The following MTCL3 variants were observed in gnomAD, a reference collection of about 807,000 sequenced individuals.
The protein encoded by MTCL3 is microtubule cross-linking factor 3.
chr6:127,476,520 C>T, the MTCL3 span: 8 of 1,434,488 alleles, frequency 5.6e-6, no homozygotes, highest in Non-Finnish European at 7.5e-6. The surrounding 1 kb of genome is among the most constrained non-coding windows in gnomAD (Gnocchi z 4.4). Flanking sequence ...TTATGTAAAT[C>T]AAGGAAACAA....
chr6:127,495,422 A>C, the MTCL3 span, among the ~76,000 whole-genome samples: 2 of 152,272 alleles, frequency 1.3e-5, no homozygotes, highest in South Asian at 4.1e-4. Context: ...GCAAAGAAAA[A>C]AAACTGTGGC....
chr6:127,476,664 A>G, the MTCL3 span, among the ~76,000 whole-genome samples: 1 of 152,262 alleles, frequency 6.6e-6, no homozygotes, highest in South Asian at 2.1e-4. This position sits in a 1 kb window ranked among gnomAD's most constrained non-coding sequence, Gnocchi z 4.4. Context: ...GAACAATGTT[A>G]CATCCTGGAA....
At chr6:127,515,825 G>C in the MTCL3 span, 1 of 1,610,202 alleles carries the variant, frequency 6.2e-7, no homozygotes. This position sits in a 1 kb window ranked among gnomAD's most constrained non-coding sequence, Gnocchi z 4.3. Context: ...TCCTTCTTGA[G>C]ATGGAACTGG....
the MTCL3 span, among the ~76,000 whole-genome samples, chr6:127,485,452 T>G: frequency 6.6e-6 from 1 of 152,156 alleles, no homozygotes; most frequent in East Asian, 1.9e-4. Flanking sequence ...TCAGGTCAAA[T>G]TATTGTCCTA....
the MTCL3 span, chr6:127,482,832 A>G: frequency 2.9e-6 from 3 of 1,051,542 alleles, no homozygotes; most frequent in African/African-American, 1.6e-5. This position sits in a 1 kb window ranked among gnomAD's most constrained non-coding sequence, Gnocchi z 4.1. Flanking sequence ...TCTGGCCATT[A>G]TATCTATTTA....
the MTCL3 span, among the ~76,000 whole-genome samples, chr6:127,495,053 CG>C: frequency 1.3e-5 from 2 of 151,590 alleles, no homozygotes; most frequent in African/African-American, 4.8e-5. Flanking sequence ...AAAAAGTAGC[CG>C]GGCATGGTGG....
At chr6:127,482,759 T>C in the MTCL3 span, among the ~76,000 whole-genome samples, 1 of 152,250 alleles carries the variant, frequency 6.6e-6, no homozygotes, top group African/African-American at 2.4e-5. This position sits in a 1 kb window ranked among gnomAD's most constrained non-coding sequence, Gnocchi z 4.1. Flanking sequence ...TTCTGATTTA[T>C]ACTACCTGTA....
At chr6:127,500,469 A>G in the MTCL3 span, among the ~76,000 whole-genome samples, 1 of 152,214 alleles carries the variant, frequency 6.6e-6, no homozygotes, top group Non-Finnish European at 1.5e-5. Context: ...TCAGAATTGT[A>G]GAAGCTGTGG....
chr6:127,489,328 A>T, the MTCL3 span, among the ~76,000 whole-genome samples: 1 of 152,204 alleles, frequency 6.6e-6, no homozygotes, highest in Admixed American at 6.5e-5. Flanking sequence ...TCCCTGAGAC[A>T]CAACAGTATT....
At chr6:127,514,711 C>A in the MTCL3 span, 219 of 794,140 alleles carry the variant, frequency 2.8e-4, 3 homozygotes, top group East Asian at 5.5e-3. Flanking sequence ...GAAACTGTGT[C>A]CCTAAGGCTC....
chr6:127,517,006 G>A, the MTCL3 span, among the ~76,000 whole-genome samples: 1 of 152,122 alleles, frequency 6.6e-6, no homozygotes, highest in African/African-American at 2.4e-5. Context: ...TGGAAAGGGA[G>A]ATATAAAAGA....
chr6:127,480,153 C>T, the MTCL3 span, among the ~76,000 whole-genome samples: 9 of 152,226 alleles, frequency 5.9e-5, no homozygotes, highest in East Asian at 1.7e-3. Flanking sequence ...TGAGCTACTC[C>T]TGGCTTTCAC....
At chr6:127,494,515 A>G in the MTCL3 span, among the ~76,000 whole-genome samples, 5 of 152,230 alleles carry the variant, frequency 3.3e-5, no homozygotes, top group African/African-American at 9.6e-5. Context: ...TTAGAACTCC[A>G]TATGGGCTGC....
chr6:127,507,842 C>CAAAAAAAAAAAAAA, the MTCL3 span, among the ~76,000 whole-genome samples: 4 of 82,088 alleles, frequency 4.9e-5, no homozygotes, highest in African/African-American at 1.1e-4. Flanking sequence ...GACTATGTCT[C>CAAAAAAAAAAAAAA]AAAAAAAAAA....
the MTCL3 span, among the ~76,000 whole-genome samples, chr6:127,513,227 C>A: frequency 6.6e-6 from 1 of 152,136 alleles, no homozygotes; most frequent in East Asian, 1.9e-4. Flanking sequence ...TTTAACCCTA[C>A]AAAAATCCCA....
At chr6:127,500,300 A>AT in the MTCL3 span, among the ~76,000 whole-genome samples, 1 of 152,156 alleles carries the variant, frequency 6.6e-6, no homozygotes, top group Admixed American at 6.5e-5. Context: ...AATAAGACAT[A>AT]TTTTTTTGAC....
chr6:127,516,323 C>T, the MTCL3 span: 1 of 1,594,012 alleles, frequency 6.3e-7, no homozygotes, highest in Admixed American at 1.7e-5. Flanking sequence ...CCACCTCCGC[C>T]TCCTCGGATG....
chr6:127,475,869 G>C, the MTCL3 span: 1 of 1,613,644 alleles, frequency 6.2e-7, no homozygotes, highest in Non-Finnish European at 8.5e-7. This position sits in a 1 kb window ranked among gnomAD's most constrained non-coding sequence, Gnocchi z 7.3. Flanking sequence ...GCAGCTGCAT[G>C]ACCTTGCCGC....
chr6:127,506,273 T>C, the MTCL3 span, among the ~76,000 whole-genome samples: 1 of 152,242 alleles, frequency 6.6e-6, no homozygotes, highest in African/African-American at 2.4e-5. Context: ...TTATCCATGA[T>C]GGTTGCATGT....
Sources: allele counts gnomAD v4.1 joint callset (sites outside exome capture counted in the v4.1 genomes callset), GRCh38; gene constraint gnomAD v4.1.1; non-coding constraint Gnocchi (gnomAD v3.1); transcripts MANE v1.5; gene names NCBI Gene and HGNC (gene_info 2026-07-23, HGNC 2026-07-21).